The following PCNX4 variants were observed in gnomAD, a reference collection of about 807,000 sequenced individuals.
The protein encoded by PCNX4 is pecanex 4, also known as pecanex-like protein 4.
Under a neutral mutation model 107.2 loss-of-function variants are expected in PCNX4, and 103 were observed. The ratio of observed to expected loss-of-function variants is 0.96; its 90% CI spans 0.82 to 1.13. PCNX4 has a LOEUF of 1.13. Among genes scored for constraint, PCNX4 ranks in the 50% most tolerant of loss-of-function variants. The pLI is 0.00. For missense variants in PCNX4, 1,528 were observed against 1,379.4 expected, an observed-to-expected ratio of 1.11 and a Z score of -1.71; for synonymous variants, 541 against 481.7, an observed-to-expected ratio of 1.12 and a Z score of -1.61.
chr14:60,107,879 C>CT lies in PCNX4; in HGVS notation c.246dup (p.Thr83TyrfsTer33). 1.2e-6 allele frequency: 2 copies of CT among 1,612,804 alleles called. No individual in the cohort carries two copies. Among genetic ancestry groups the CT allele is most frequent in the Non-Finnish European group, 8.5e-7 (1 of 1,179,870 alleles). ...AGCAGCACTTTCAGGTGGATTAATG[C>CT]TTTTTACTGCATTTGTCATCCAGTT... is the stretch of plus-strand genomic sequence containing the variant. On this transcript the variant is annotated frameshift_variant, in exon 2 of 11. Coordinates refer to ENST00000406854, the MANE Select transcript of PCNX4 (RefSeq NM_001330177.2). LOFTEE classifies it high-confidence loss of function.
rs1896278599 is a variant in PCNX4, at chr14:60,139,219, G to C, written c.*4998G>C. ...AAACCCACAAAGTACCTTTATGCAA[G>C]AGATGTCTTAAGTATAGGAATACAA... On this transcript the variant is annotated 3_prime_UTR_variant, in exon 11 of 11. Coordinates refer to ENST00000406854, the MANE Select transcript of PCNX4 (RefSeq NM_001330177.2). 1 of 152,004 alleles carries C rather than the reference G, an allele frequency of 6.6e-6. No homozygotes were observed. Among genetic ancestry groups the C allele is most frequent in the African/African-American group, 2.4e-5 (1 of 41,426 alleles). The allele number at this position is 152,004 out of a possible 1,614,324, so 9.4% of individuals were successfully genotyped here.
In PCNX4 at chr14:60,142,971, AAG is replaced by A. The variant is rs1298428414; in HGVS notation, c.*8752_*8753del. The A allele has an allele frequency of 1.3e-5, 2 of 152,120 alleles. No individual in the cohort carries two copies. The highest frequency in any genetic ancestry group is 4.8e-5 in the African/African-American group (2 of 41,332). The allele number at this position is 152,120 out of a possible 1,614,324, so 9.4% of individuals were successfully genotyped here. ...ACAGTAAGACTCCATCTCCAAAAGA[AAG>A]AAAGAAAGAAAGAAAAAAATGCCAT... On this transcript the variant is annotated 3_prime_UTR_variant, in exon 11 of 11. Coordinates refer to ENST00000406854, the MANE Select transcript of PCNX4 (RefSeq NM_001330177.2). This position sits in a 1 kb window ranked among gnomAD's most constrained non-coding sequence, Gnocchi z 4.7.
Position 60,092,086 on chromosome 14 carries a change from T to C in PCNX4, c.-387T>C, listed in dbSNP as rs1895305536. 1 of 152,332 alleles carries C rather than the reference T, an allele frequency of 6.6e-6. No individual in the cohort carries two copies. Among genetic ancestry groups the C allele is most frequent in the African/African-American group, 2.4e-5 (1 of 41,474 alleles). The allele number at this position is 152,332 out of a possible 1,614,324, so 9.4% of individuals were successfully genotyped here. On this transcript the variant is annotated 5_prime_UTR_variant, in exon 1 of 11. Coordinates refer to ENST00000406854, the MANE Select transcript of PCNX4 (RefSeq NM_001330177.2). ...CGAACGAAGCGCGCTATTTCCCTGC[T>C]TCCTCTAGGCCAAGCCTGCTTTACG...
chr14:60,130,337 CACAA>C (rs1403263758), intron 10 of PCNX4, among the ~76,000 whole-genome samples: 1 of 145,070 alleles, frequency 6.9e-6, no homozygotes, highest in Non-Finnish European at 1.5e-5. Flanking sequence ...AAATAAAAGA[CACAA>C]ACCACATGAT....
At chr14:60,110,104 G>A (rs571909691) in intron 2 of PCNX4, 1 of 167,214 alleles carries the variant, frequency 6.0e-6, no homozygotes, top group South Asian at 2.1e-4. Flanking sequence ...AACACCAAAA[G>A]TGTGGGGCTG....
chr14:60,131,442 G>C (rs1566522031), intron 10 of PCNX4, among the ~76,000 whole-genome samples: 1 of 152,092 alleles, frequency 6.6e-6, no homozygotes, highest in Admixed American at 6.6e-5. Flanking sequence ...CAAAAATGAA[G>C]TTAAGGAAAT....
intron 1 of PCNX4, among the ~76,000 whole-genome samples, chr14:60,098,427 T>C (rs1031264533): frequency 4.6e-5 from 7 of 152,198 alleles, no homozygotes; most frequent in African/African-American, 1.7e-4. Flanking sequence ...CTCTTTAACT[T>C]ACACTGTGAC....
chr14:60,118,823 C>A (rs1895902311), intron 7 of PCNX4, 131 bp downstream of exon 7: 9 of 973,482 alleles, frequency 9.2e-6, no homozygotes, highest in African/African-American at 1.7e-5. Flanking sequence ...GATGTGTAGG[C>A]AGAAAGACTA....
chr14:60,132,718 T>C (rs1276796849), intron 10 of PCNX4, among the ~76,000 whole-genome samples: 1 of 152,064 alleles, frequency 6.6e-6, no homozygotes, highest in Admixed American at 6.6e-5. Flanking sequence ...AAGGGACTGT[T>C]ACTAGAATAT....
intron 8 of PCNX4, among the ~76,000 whole-genome samples, chr14:60,122,286 A>G (rs1341499386): frequency 6.6e-6 from 1 of 152,114 alleles, no homozygotes; most frequent in Admixed American, 6.5e-5. Flanking sequence ...AAGTCAAACC[A>G]TGTCACTTCT....
At chr14:60,129,903 GAA>G (rs1266241557) in intron 10 of PCNX4, among the ~76,000 whole-genome samples, 4 of 152,032 alleles carry the variant, frequency 2.6e-5, no homozygotes, top group African/African-American at 4.8e-5. Context: ...CAATACGAGA[GAA>G]AGTCACGAAA....
Position 60,115,435 on chromosome 14 carries a change from T to A in PCNX4, c.1331T>A (p.Ile444Asn). 6.5e-7 allele frequency: 1 copy of A among 1,534,698 alleles called. No homozygotes were observed. The highest frequency in any genetic ancestry group is 8.7e-7 in the Non-Finnish European group (1 of 1,145,484). ...CAAACTAGGCTCATGAAGATTGGTA[T>A]TGTCAGACGGATTTTGCTAACTTTA... Reference protein sequence around the residue: ...EKQTRLMKIGIVRRILLTLVS... With the variant: ...EKQTRLMKIGNVRRILLTLVS... The change falls in exon 4 of 11, where the codon ATT becomes AAT. Residue 444 changes from isoleucine to asparagine, a missense_variant. Ile to Asn is a moderately radical substitution (Grantham distance 149). Transcript: ENST00000406854.
In PCNX4 at chr14:60,138,735, A is replaced by G. The variant is rs962841571; in HGVS notation, c.*4514A>G. On this transcript the variant is annotated 3_prime_UTR_variant, in exon 11 of 11. Coordinates refer to ENST00000406854, the MANE Select transcript of PCNX4 (RefSeq NM_001330177.2). ...TGATAGTAAAGGGTATTCTTCAGACAGAAGGAAAAAGATCCCAGAAAAAGG... is the reference window on the plus strand; with the variant it reads ...TGATAGTAAAGGGTATTCTTCAGACGGAAGGAAAAAGATCCCAGAAAAAGG... 6.6e-6 allele frequency: 1 copy of G among 152,204 alleles called. No homozygotes were observed. The highest frequency in any genetic ancestry group is 2.4e-5 in the African/African-American group (1 of 41,470). 9.4% of individuals were successfully genotyped at this position (152,204 alleles called of 1,614,324 possible). A position where few individuals can be genotyped will look rare whatever the true frequency, so the allele number is the denominator to read the frequency against.
intron 1 of PCNX4, among the ~76,000 whole-genome samples, chr14:60,096,635 A>C (rs1895430265): frequency 6.6e-6 from 1 of 152,234 alleles, no homozygotes; most frequent in Non-Finnish European, 1.5e-5. Context: ...TAGCCAATAA[A>C]TAACTGATCA....
At chr14:60,111,878 A>G (rs1478159916) in intron 2 of PCNX4, among the ~76,000 whole-genome samples, 2 of 152,206 alleles carry the variant, frequency 1.3e-5, no homozygotes, top group Non-Finnish European at 2.9e-5. Flanking sequence ...TAGTTTATCC[A>G]GAAAAATCAC....
At chr14:60,129,362 C>T (rs185980873) in intron 10 of PCNX4, among the ~76,000 whole-genome samples, 8 of 152,042 alleles carry the variant, frequency 5.3e-5, no homozygotes, top group African/African-American at 7.2e-5. Context: ...GAGACCAGTC[C>T]GGGCAACATA....
chr14:60,121,286 C>A lies in PCNX4; in HGVS notation c.2033C>A (p.Ser678Tyr), dbSNP rs929965044. ...MILECGYTYCSINIKGLELQE... is the reference protein window; with the variant it reads ...MILECGYTYCYINIKGLELQE... ...CTGGAATGTGGCTATACTTACTGCTCTATTAACATTAAGGTCAGTGTGCAT... is the reference window on the plus strand; with the variant it reads ...CTGGAATGTGGCTATACTTACTGCTATATTAACATTAAGGTCAGTGTGCAT... Residue 678 changes from serine to tyrosine, a missense_variant, in exon 8 of 11, where the codon TCT (serine) becomes TAT (tyrosine). Coordinates refer to ENST00000406854, the MANE Select transcript of PCNX4 (RefSeq NM_001330177.2). The A allele has an allele frequency of 1.3e-6, 2 of 1,597,682 alleles. No individual in the cohort carries two copies. Among genetic ancestry groups the A allele is most frequent in the African/African-American group, 1.4e-5 (1 of 73,512 alleles).
At position 60,135,339 on chromosome 14, in the gene PCNX4, A is replaced by G. The variant is rs1896225814; in HGVS notation, c.*1118A>G. The G allele has an allele frequency of 6.6e-6, 1 of 152,196 alleles. No homozygotes were observed. The highest frequency in any genetic ancestry group is 1.5e-5 in the Non-Finnish European group (1 of 68,028). The allele number at this position is 152,196 out of a possible 1,614,324, so 9.4% of individuals were successfully genotyped here. A position where few individuals can be genotyped will look rare whatever the true frequency, so the allele number is the denominator to read the frequency against. Reference sequence around the variant, plus strand: ...CAATGTTAAAGGATAAACTTTTTGGACCAATTTTCAGTTAATGAATTCAAG... The same window carrying G: ...CAATGTTAAAGGATAAACTTTTTGGGCCAATTTTCAGTTAATGAATTCAAG... On this transcript the variant is annotated 3_prime_UTR_variant, in exon 11 of 11. Coordinates refer to ENST00000406854, the MANE Select transcript of PCNX4 (RefSeq NM_001330177.2).
Position 60,124,809 on chromosome 14 carries a change from C to G in PCNX4, c.2638C>G (p.Leu880Val). Residue 880 changes from leucine to valine, a missense_variant, in exon 9 of 11, where the codon CTA (leucine) becomes GTA (valine). Leu to Val is a conservative substitution (Grantham distance 32). Coordinates refer to ENST00000406854, the MANE Select transcript of PCNX4 (RefSeq NM_001330177.2). ...TGAAAACGATCTTTACAAAGCAGTT[C>G]TATTAGGATACCCTGCTGTTGACAA... ...VPENDLYKAV[L>V]LGYPAVDKGK... 1.2e-6 allele frequency: 2 copies of G among 1,613,670 alleles called. No individual in the cohort carries two copies. The highest frequency in any genetic ancestry group is 2.2e-5 in the South Asian group (2 of 91,070).
Sources: allele counts gnomAD v4.1 joint callset (sites outside exome capture counted in the v4.1 genomes callset), GRCh38; gene constraint gnomAD v4.1.1; non-coding constraint Gnocchi (gnomAD v3.1); transcripts MANE v1.5; gene names NCBI Gene and HGNC (gene_info 2026-07-23, HGNC 2026-07-21).